Variants in LVRN observed in about 807,000 individuals in gnomAD.
The protein encoded by LVRN is aminopeptidase Q.
Under a neutral mutation model 111.4 loss-of-function variants are expected in LVRN, and 99 were observed. That is an observed-to-expected ratio of 0.89 (90% CI 0.76 to 1.05). LVRN has a LOEUF of 1.05. Ranked by LOEUF, LVRN falls within the 50% of genes least tolerant of loss-of-function variation. LVRN has a pLI of 0.00. For synonymous variants in LVRN, 488 were observed against 449.5 expected (o/e 1.09, Z -1.08); for missense variants, 1,414 against 1,206.8 (o/e 1.17, Z -2.54).
At chr5:116,010,701 G>A in intron 13 of LVRN, 40 bp from the exon 14 acceptor site, 2 of 1,566,140 alleles carry the variant, frequency 1.3e-6, no homozygotes, top group East Asian at 2.3e-5. Context: ...TACTTAGCAA[G>A]TGAAGGTTTT....
chr5:115,978,616 C>T (rs1429785582), intron 1 of LVRN, among the ~76,000 whole-genome samples: 1 of 152,120 alleles, frequency 6.6e-6, no homozygotes, highest in African/African-American at 2.4e-5. Context: ...AACCTTTGAA[C>T]TTAATTTACT....
intron 1 of LVRN, among the ~76,000 whole-genome samples, chr5:115,971,560 G>T (rs1297226169): frequency 6.6e-6 from 1 of 152,044 alleles, no homozygotes; most frequent in African/African-American, 2.4e-5. Flanking sequence ...ACTGCCATTT[G>T]TTAAAGAGTC....
Position 116,002,714 on chromosome 5 carries a change from TAGAG to T in LVRN, c.1821-117_1821-114del, listed in dbSNP as rs1483235836. ...TCCTAAGAGCAAAGGCCTGCATATC[TAGAG>T]AGAATGACCAAAGAAACTGAGTTCT... On this transcript the variant is annotated intron_variant, in intron 10 of 19. Transcript: ENST00000357872. The T allele has an allele frequency of 1.3e-5, 9 of 706,514 alleles. No homozygotes were observed. In the African/African-American group the frequency reaches 1.3e-4, roughly 10 times the overall value. The allele number at this position is 706,514 out of a possible 1,614,324, so 43.8% of individuals were successfully genotyped here. A position where few individuals can be genotyped will look rare whatever the true frequency, so the allele number is the denominator to read the frequency against.
chr5:115,976,548 A>G (rs544785658), intron 1 of LVRN, among the ~76,000 whole-genome samples: 1 of 151,944 alleles, frequency 6.6e-6, no homozygotes, highest in Non-Finnish European at 1.5e-5. Flanking sequence ...AGACCCTTTT[A>G]TTTCTCATAT....
chr5:115,973,498 G>A lies in LVRN; in HGVS notation c.696-9789G>A, dbSNP rs185111905. Among the ~76,000 whole-genome samples, 235 of 152,136 alleles carry A rather than the reference G, an allele frequency of 1.5e-3. 2 individuals carry two copies. The highest frequency in any genetic ancestry group is 3.4e-3 in the Middle Eastern group (1 of 294). ...AATTGGTAATATTTCTTCTTTAACC[G>A]TCTGATTGAATTTCACCCATGAGGC... On this transcript the variant is annotated intron_variant, in intron 1 of 19. Transcript: ENST00000357872.
intron 14 of LVRN, among the ~76,000 whole-genome samples, chr5:116,011,870 A>C (rs546969203): frequency 3.3e-5 from 5 of 152,142 alleles, no homozygotes; most frequent in African/African-American, 1.2e-4. Flanking sequence ...TTATAATTTT[A>C]TATTTACCAG....
At chr5:116,014,088 A>G (rs1748547000) in intron 15 of LVRN, among the ~76,000 whole-genome samples, 1 of 152,196 alleles carries the variant, frequency 6.6e-6, no homozygotes, top group Admixed American at 6.5e-5. Flanking sequence ...AATTGCAGTA[A>G]AAGACAGGAA....
Position 116,001,178 on chromosome 5 carries a change from G to A in LVRN, c.1759G>A (p.Val587Ile), listed in dbSNP as rs367939302. 2.2e-5 allele frequency: 36 copies of A among 1,613,848 alleles called. No homozygotes were observed. The highest frequency in any genetic ancestry group is 4.5e-5 in the East Asian group (2 of 44,890). Reference protein sequence around the residue: ...PVITLNVSTGVMKQEPFYLEN... With the variant: ...PVITLNVSTGIMKQEPFYLEN... ...GATCACTTTAAATGTGTCTACTGGC[G>A]TCATGAAACAGGAGCCATTTTATCT... The change falls in exon 10 of 20, where the codon GTC (valine) becomes ATC (isoleucine). Residue 587 changes from valine (V) to isoleucine (I), a missense_variant. Val to Ile is a conservative substitution (Grantham distance 29). Transcript: ENST00000357872.
chr5:116,022,939 A>G (rs1330567168), intron 19 of LVRN, among the ~76,000 whole-genome samples: 4 of 152,142 alleles, frequency 2.6e-5, no homozygotes, highest in Non-Finnish European at 4.4e-5. Flanking sequence ...ACACCCCTAA[A>G]CACATTTCCT....
At position 115,999,819 on chromosome 5, in the gene LVRN, G is replaced by C; in HGVS notation, c.1432G>C (p.Val478Leu). 1 of 1,613,262 alleles carries C rather than the reference G, an allele frequency of 6.2e-7. No individual in the cohort carries two copies. Among genetic ancestry groups the C allele is most frequent in the Non-Finnish European group, 8.5e-7 (1 of 1,179,390 alleles). The change falls in exon 7 of 20, where the codon GTG becomes CTG. Residue 478 changes from valine (V) to leucine (L), a missense_variant. By Grantham distance (32) the Val-to-Leu change is conservative. Coordinates refer to ENST00000357872, the MANE Select transcript of LVRN (RefSeq NM_173800.5). The stretch of plus-strand genomic sequence containing the variant: ...TATCCTCAGAGAAGATCACGCCCTG[G>C]TGACTAGAGCTGTGGCCATGAAGGT... ...HNILREDHAL[V>L]TRAVAMKVEN...
intron 12 of LVRN, among the ~76,000 whole-genome samples, chr5:116,003,803 A>G (rs565010163): frequency 3.9e-4 from 59 of 152,064 alleles, no homozygotes; most frequent in African/African-American, 1.4e-3. Flanking sequence ...GGATGATCTC[A>G]ATCTCCTGAC....
chr5:116,013,065 G>C (rs17138655), intron 15 of LVRN, among the ~76,000 whole-genome samples: 9,990 of 152,146 alleles, frequency 0.066, 467 homozygotes, highest in East Asian at 0.21. Context: ...TGTGCCCTAA[G>C]TTTTGTGTGT....
intron 12 of LVRN, among the ~76,000 whole-genome samples, chr5:116,004,881 A>G (rs560097159): frequency 7.2e-5 from 11 of 152,368 alleles, no homozygotes; most frequent in Admixed American, 3.3e-4. Flanking sequence ...TTCAGTAATT[A>G]AAACAAATTA....
rs1748014124 is a variant in LVRN, at chr5:115,992,278, G to A, written c.1260+1G>A. On this transcript the variant is annotated splice_donor_variant, in intron 5 of 19. Coordinates refer to ENST00000357872, the MANE Select transcript of LVRN (RefSeq NM_173800.5). LOFTEE classifies it high-confidence loss of function. Reference sequence around the variant, plus strand: ...TGTCTCCCACGAGATTGGACACCAGGCATGTGGTAAAATGTTCTTTTTATT... The same window carrying A: ...TGTCTCCCACGAGATTGGACACCAGACATGTGGTAAAATGTTCTTTTTATT... 2 of 1,613,358 alleles carry A rather than the reference G, an allele frequency of 1.2e-6. No homozygotes were observed. The highest frequency in any genetic ancestry group is 1.3e-5 in the African/African-American group (1 of 74,858).
intron 1 of LVRN, chr5:115,974,939 G>T: frequency 6.5e-6 from 3 of 459,968 alleles, no homozygotes; most frequent in Admixed American, 2.4e-5. Flanking sequence ...TAGGTCACTT[G>T]ATAAATGATC....
chr5:115,987,263 T>A (rs1178189075), intron 3 of LVRN, among the ~76,000 whole-genome samples: 1 of 152,216 alleles, frequency 6.6e-6, no homozygotes, highest in Admixed American at 6.5e-5. Context: ...TTGACAGTTT[T>A]AAAATTATGA....
Position 116,003,232 on chromosome 5 carries a change from C to G in LVRN, c.1898-9C>G, listed in dbSNP as rs1748277554. The G allele has an allele frequency of 6.4e-7, 1 of 1,568,318 alleles. No homozygotes were observed. The highest frequency in any genetic ancestry group is 8.6e-7 in the Non-Finnish European group (1 of 1,156,138). On this transcript the variant is annotated splice_polypyrimidine_tract_variant and intron_variant, in intron 11 of 19. Coordinates refer to ENST00000357872, the MANE Select transcript of LVRN (RefSeq NM_173800.5). ...TACCATTTCAAATTATTCCCATATTCCTTTATAGAAGTATTCCCAGAAATG... is the reference window on the plus strand; with the variant it reads ...TACCATTTCAAATTATTCCCATATTGCTTTATAGAAGTATTCCCAGAAATG...
intron 1 of LVRN, 135 bp from the exon 2 acceptor site, chr5:115,983,152 A>G: frequency 1.1e-6 from 1 of 902,998 alleles, no homozygotes; most frequent in Non-Finnish European, 1.6e-6. Context: ...GTGTGATGGG[A>G]TGGGCAGTGA....
chr5:115,989,301 C>T (rs773156151), intron 4 of LVRN, among the ~76,000 whole-genome samples: 1 of 152,160 alleles, frequency 6.6e-6, no homozygotes, highest in African/African-American at 2.4e-5. Context: ...GAAGGATGCT[C>T]TAGCACTGTC....
Sources: allele counts gnomAD v4.1 joint callset (sites outside exome capture counted in the v4.1 genomes callset), GRCh38; gene constraint gnomAD v4.1.1; transcripts MANE v1.5; gene names NCBI Gene and HGNC (gene_info 2026-07-23, HGNC 2026-07-21).